ANAPC4: variants seen among roughly 807,000 people sequenced by gnomAD.
ANAPC4 encodes the protein anaphase-promoting complex subunit 4.
A neutral mutation model predicts 119.8 loss-of-function variants in ANAPC4; 63 were observed. The observed-to-expected ratio is 0.53, with a 90% CI of 0.43 to 0.65. The LOEUF (loss-of-function observed/expected upper bound fraction) is 0.65. Among genes scored for constraint, ANAPC4 ranks in the 30% least tolerant of loss-of-function variants. ANAPC4 has a pLI of 0.00. For missense variants in ANAPC4, 716 were observed against 945.1 expected (o/e 0.76, Z 3.18); for synonymous variants, 283 against 318.6 (o/e 0.89, Z 1.19).
intron 4 of ANAPC4, among the ~76,000 whole-genome samples, chr4:25,388,290 TG>T (rs1053682019): frequency 3.8e-5 from 5 of 132,176 alleles, no homozygotes; most frequent in Non-Finnish European, 7.0e-5. Context: ...TGCAGGCTGA[TG>T]TTTTTTTTCC....
At chr4:25,382,151 G>A (rs772627103) in intron 3 of ANAPC4, among the ~76,000 whole-genome samples, 2 of 152,024 alleles carry the variant, frequency 1.3e-5, no homozygotes, top group Non-Finnish European at 2.9e-5. Flanking sequence ...CCATGTCAGT[G>A]TGGATAGATT....
intron 3 of ANAPC4, among the ~76,000 whole-genome samples, chr4:25,380,872 A>G (rs569271508): frequency 1.3e-5 from 2 of 152,202 alleles, no homozygotes; most frequent in South Asian, 4.1e-4. Flanking sequence ...ATATTTTAGC[A>G]TGAAATGTGT....
At chr4:25,406,508 C>G (rs1248916263) in intron 18 of ANAPC4, among the ~76,000 whole-genome samples, 1 of 152,202 alleles carries the variant, frequency 6.6e-6, no homozygotes, top group Non-Finnish European at 1.5e-5. Flanking sequence ...GGGTCCAGTT[C>G]TCATTTCCAA....
rs1475629937 is a variant in ANAPC4, at chr4:25,394,836, A to G, written c.992A>G (p.Lys331Arg). Residue 331 changes from lysine (K) to arginine (R), a missense_variant, in exon 14 of 29, where the codon AAA becomes AGA. By Grantham distance (26) the Lys-to-Arg change is conservative. This residue lies in a region of ANAPC4 where 504 missense variants were observed against 615.8 expected (regional missense o/e 0.82). Transcript: ENST00000315368. The part of the protein sequence containing the change: ...LMNQLTVKGL[K>R]KLGQSIESSY... Reference sequence around the variant, plus strand: ...TTTTCCTTTTTTAATTAGGGCTTGAAAAAGCTTGGCCAGTCTATAGAGTCA... The same window carrying G: ...TTTTCCTTTTTTAATTAGGGCTTGAGAAAGCTTGGCCAGTCTATAGAGTCA... 2 of 1,611,828 alleles carry G rather than the reference A, an allele frequency of 1.2e-6. No homozygotes were observed. Among genetic ancestry groups the G allele is most frequent in the Admixed American group, 1.7e-5 (1 of 59,512 alleles).
chr4:25,411,916 A>G (rs936604756), intron 21 of ANAPC4, among the ~76,000 whole-genome samples: 1 of 152,102 alleles, frequency 6.6e-6, no homozygotes, highest in Non-Finnish European at 1.5e-5. Context: ...AATTACAGAT[A>G]GTTAGCGCAG....
chr4:25,379,168 A>G (rs1437409132), intron 2 of ANAPC4, among the ~76,000 whole-genome samples: 2 of 152,176 alleles, frequency 1.3e-5, no homozygotes, highest in African/African-American at 4.8e-5. Flanking sequence ...GGTAATGACC[A>G]GGCCGGAGGT....
intron 26 of ANAPC4, 93 bp downstream of exon 26, chr4:25,415,633 T>C (rs987348159): frequency 4.7e-6 from 5 of 1,070,836 alleles, no homozygotes; most frequent in East Asian, 2.5e-5. Context: ...GGTGGTAATA[T>C]AGGTAAAAGG....
chr4:25,409,030 G>C (rs1324571350), intron 20 of ANAPC4, among the ~76,000 whole-genome samples: 1 of 152,178 alleles, frequency 6.6e-6, no homozygotes, highest in African/African-American at 2.4e-5. Flanking sequence ...CTACTACCTT[G>C]ACTCTTGGCT....
In ANAPC4 at chr4:25,409,686, C is replaced by T; in HGVS notation, c.1432-12C>T. 6.3e-7 allele frequency: 1 copy of T among 1,577,490 alleles called. No individual in the cohort carries two copies. The highest frequency in any genetic ancestry group is 8.7e-7 in the Non-Finnish European group (1 of 1,153,060). On this transcript the variant is annotated splice_polypyrimidine_tract_variant and intron_variant, in intron 20 of 28. Transcript: ENST00000315368. ...TATGAATAAACTTAAATTTCTAATTCTGTATTTCTAGTACTTGAAAGATGA... is the reference window on the plus strand; with the variant it reads ...TATGAATAAACTTAAATTTCTAATTTTGTATTTCTAGTACTTGAAAGATGA...
chr4:25,391,434 A>G (rs962049535), intron 9 of ANAPC4, among the ~76,000 whole-genome samples: 3 of 152,220 alleles, frequency 2.0e-5, no homozygotes, highest in Admixed American at 1.3e-4. Flanking sequence ...TCCCCATTTT[A>G]TAGGTAAGTA....
chr4:25,377,368 C>A, intron 1 of ANAPC4, 24 bp downstream of exon 1: 3 of 1,599,600 alleles, frequency 1.9e-6, no homozygotes, highest in South Asian at 1.1e-5. Context: ...CGGGGCTCCT[C>A]GTGGAGAGCC....
intron 28 of ANAPC4, 129 bp downstream of exon 28, chr4:25,417,868 G>C: frequency 7.8e-7 from 1 of 1,287,524 alleles, no homozygotes; most frequent in Non-Finnish European, 1.1e-6. Flanking sequence ...TTTATAGCTT[G>C]TATTGATTAT....
chr4:25,379,573 G>A (rs371592584), intron 2 of ANAPC4, among the ~76,000 whole-genome samples: 7 of 152,198 alleles, frequency 4.6e-5, no homozygotes, highest in East Asian at 1.9e-4. Context: ...TTGTCCTCAG[G>A]TGAGAGGCAC....
intron 3 of ANAPC4, 104 bp from the exon 4 acceptor site, chr4:25,383,157 A>T: frequency 9.1e-7 from 1 of 1,104,702 alleles, no homozygotes; most frequent in Non-Finnish European, 1.2e-6. Context: ...AATTGCCATG[A>T]TGAAGATGCA....
chr4:25,417,622 T>G lies in ANAPC4; in HGVS notation c.2082T>G (p.Asp694Glu). 6.3e-7 allele frequency: 1 copy of G among 1,595,702 alleles called. No individual in the cohort carries two copies. The highest frequency in any genetic ancestry group is 8.5e-7 in the Non-Finnish European group (1 of 1,173,872). The change falls in exon 28 of 29, where the codon GAT becomes GAG. Residue 694 changes from aspartate to glutamate, a missense_variant. By Grantham distance (45) the Asp-to-Glu change is conservative (BLOSUM62 2). This residue lies in a region of ANAPC4 where 504 missense variants were observed against 615.8 expected (regional missense o/e 0.82). Coordinates refer to ENST00000315368, the MANE Select transcript of ANAPC4 (RefSeq NM_013367.3). ...QFTGTYSTRL[D>E]EQCSAIPTRT... ...GGTTTTTTTCCCTCTTTAGGCTAGA[T>G]GAACAGTGTAGTGCTATTCCCACCC...
At chr4:25,400,422 C>A (rs1298272151) in intron 16 of ANAPC4, among the ~76,000 whole-genome samples, 1 of 152,062 alleles carries the variant, frequency 6.6e-6, no homozygotes, top group East Asian at 1.9e-4. Flanking sequence ...GGGGACGTTC[C>A]CTTCAAGGTG....
chr4:25,397,309 C>T (rs1163487488), intron 16 of ANAPC4, among the ~76,000 whole-genome samples: 6 of 152,200 alleles, frequency 3.9e-5, no homozygotes, highest in East Asian at 1.9e-4. Context: ...TGCATCCTTC[C>T]GTCCTTTCCC....
intron 1 of ANAPC4, 33 bp from the exon 2 acceptor site, chr4:25,377,385 T>C (rs2109104954): frequency 6.2e-7 from 1 of 1,608,560 alleles, no homozygotes; most frequent in African/African-American, 1.3e-5. Context: ...AGCCGGGGGC[T>C]CCTGCCGGCC....
rs184720412 is a variant in ANAPC4 at position 25,390,113 on chromosome 4, C to T, written c.516-23C>T. 2.6e-6 allele frequency: 4 copies of T among 1,524,000 alleles called. No homozygotes were observed. In the African/African-American group the frequency reaches 4.1e-5, roughly 16 times the overall value. 94.4% of individuals were successfully genotyped at this position (1,524,000 alleles called of 1,614,324 possible). On this transcript the variant is annotated intron_variant, in intron 7 of 28. Transcript: ENST00000315368. ...ATCTGTGTTGTTGATTGGTTCTCAG[C>T]TTGTTGCATTGTTTTTAATTAGGCT...
Sources: allele counts gnomAD v4.1 joint callset (sites outside exome capture counted in the v4.1 genomes callset), GRCh38; gene constraint gnomAD v4.1.1; regional missense constraint gnomAD v4.1.1; transcripts MANE v1.5; gene names NCBI Gene and HGNC (gene_info 2026-07-23, HGNC 2026-07-21).